Variants in SUCLG2 observed in about 807,000 individuals in gnomAD.
SUCLG2 encodes succinate-CoA ligase GDP-forming subunit beta.
Under a neutral mutation model 47.9 loss-of-function variants are expected in SUCLG2, and 42 were observed. The observed-to-expected ratio is 0.88, with a 90% CI of 0.69 to 1.14. SUCLG2 has a LOEUF of 1.14. Ranked by LOEUF, SUCLG2 falls within the 50% of genes most tolerant of loss-of-function variation. The probability of loss-of-function intolerance (pLI) is 0.00; values close to 1 mark genes in which losing one functional copy is unlikely to be tolerated. For synonymous variants in SUCLG2, 195 were observed against 197.3 expected (o/e 0.99, Z 0.10); for missense variants, 571 against 525.9 (o/e 1.09, Z -0.84).
chr3:67,496,021 T>C, intron 8 of SUCLG2, 81 bp from the exon 9 acceptor site: 1 of 1,560,500 alleles, frequency 6.4e-7, no homozygotes, highest in Non-Finnish European at 8.7e-7. Context: ...TCCCCCATAT[T>C]GCCAAGAGAG....
intron 2 of SUCLG2, among the ~76,000 whole-genome samples, chr3:67,534,768 CAAAAAA>C (rs60612549): frequency 4.2e-3 from 145 of 34,896 alleles, no homozygotes; most frequent in East Asian, 0.04. Context: ...ACACTGATGG[CAAAAAA>C]AAAAAAAAAA....
chr3:67,601,501 T>G (rs1381884007), intron 2 of SUCLG2, among the ~76,000 whole-genome samples: 3 of 151,872 alleles, frequency 2.0e-5, no homozygotes, highest in Non-Finnish European at 4.4e-5. Flanking sequence ...CTAGGTAAAG[T>G]TTTTCTGTTT....
chr3:67,377,749 G>A (rs542955489), intron 10 of SUCLG2, among the ~76,000 whole-genome samples: 1 of 152,184 alleles, frequency 6.6e-6, no homozygotes, highest in Non-Finnish European at 1.5e-5. Context: ...AGCCTCCGGT[G>A]CCCAAGTGAT....
intron 1 of SUCLG2, among the ~76,000 whole-genome samples, chr3:67,623,445 G>A (rs1157028346): frequency 6.6e-6 from 1 of 152,166 alleles, no homozygotes; most frequent in African/African-American, 2.4e-5. Flanking sequence ...TGCTTGCAGT[G>A]AGTGGAGATC....
chr3:67,631,282 C>A (rs753007833), intron 1 of SUCLG2, among the ~76,000 whole-genome samples: 20 of 152,150 alleles, frequency 1.3e-4, no homozygotes, highest in Non-Finnish European at 2.8e-4. Context: ...TTGTTACCTG[C>A]AGTGATAGAG....
chr3:67,522,726 C>T (rs1301821193), intron 4 of SUCLG2, among the ~76,000 whole-genome samples: 41 of 149,484 alleles, frequency 2.7e-4, no homozygotes, highest in Admixed American at 2.0e-4. Context: ...TGCAGTGGCG[C>T]GATCTCGGCT....
intron 6 of SUCLG2, among the ~76,000 whole-genome samples, chr3:67,511,224 C>A (rs1403697339): frequency 6.6e-6 from 1 of 152,152 alleles, no homozygotes; most frequent in Non-Finnish European, 1.5e-5. Flanking sequence ...CTGATTTCCA[C>A]TCCTAAAAAG....
Position 67,467,744 on chromosome 3 carries a change from T to TA in SUCLG2, c.1062+28053dup, listed in dbSNP as rs572561153. ...GTATATGTTTTATCCTGTCATTTAA[T>TA]ACTCATAGCAACCCTGCTGAGTTGT... On this transcript the variant is annotated intron_variant, in intron 9 of 10. Transcript: ENST00000307227. 3.3e-4 allele frequency among the ~76,000 whole-genome samples: 50 copies of TA among 152,270 alleles called. 1 individual carries two copies. In the South Asian group the frequency reaches 0.01, roughly 31 times the overall value.
At chr3:67,591,300 T>C (rs967220883) in intron 2 of SUCLG2, among the ~76,000 whole-genome samples, 11 of 151,636 alleles carry the variant, frequency 7.3e-5, no homozygotes, top group African/African-American at 2.7e-4. Flanking sequence ...GGTTAGGGTA[T>C]AGCAGTAGAT....
intron 10 of SUCLG2, among the ~76,000 whole-genome samples, chr3:67,365,201 C>T (rs1701858817): frequency 6.6e-6 from 1 of 152,086 alleles, no homozygotes; most frequent in South Asian, 2.1e-4. Flanking sequence ...TCACCGAACT[C>T]CTGTATTGAA....
intron 2 of SUCLG2, among the ~76,000 whole-genome samples, chr3:67,592,723 AAAAAAAAAAAAAACAAC>A (rs1452155822): frequency 1.8e-5 from 2 of 113,786 alleles, no homozygotes; most frequent in African/African-American, 6.9e-5. Context: ...TCCTCCAAAA[AAAAAAAAAAAAAACAAC>A]AAAAAAAAAC....
At chr3:67,559,207 A>G (rs1022425898) in intron 2 of SUCLG2, among the ~76,000 whole-genome samples, 1 of 152,172 alleles carries the variant, frequency 6.6e-6, no homozygotes, top group Non-Finnish European at 1.5e-5. Flanking sequence ...ATGAGAAGGT[A>G]GAGTAAGAGG....
At chr3:67,507,213 T>A (rs572770765) in intron 7 of SUCLG2, among the ~76,000 whole-genome samples, 3 of 150,626 alleles carry the variant, frequency 2.0e-5, no homozygotes, top group Non-Finnish European at 2.9e-5. Context: ...TTAAAAAAAA[T>A]ATTTATGAAT....
chr3:67,612,182 G>A (rs1700539259), intron 1 of SUCLG2, among the ~76,000 whole-genome samples: 1 of 152,114 alleles, frequency 6.6e-6, no homozygotes, highest in Non-Finnish European at 1.5e-5. Flanking sequence ...AACATAGTGA[G>A]ACCCTGCCTC....
intron 1 of SUCLG2, among the ~76,000 whole-genome samples, chr3:67,647,837 A>G (rs1446421987): frequency 6.6e-6 from 1 of 152,208 alleles, no homozygotes; most frequent in East Asian, 1.9e-4. Context: ...CCCAGAAGTA[A>G]GCTGGGAACA....
chr3:67,395,729 C>A (rs2106801256), intron 10 of SUCLG2, among the ~76,000 whole-genome samples: 1 of 152,266 alleles, frequency 6.6e-6, no homozygotes, highest in East Asian at 1.9e-4. Flanking sequence ...TTTTTTTCAG[C>A]ACCACACCAC....
chr3:67,381,445 G>A (rs1403268626), intron 10 of SUCLG2, among the ~76,000 whole-genome samples: 1 of 152,112 alleles, frequency 6.6e-6, no homozygotes, highest in African/African-American at 2.4e-5. Context: ...TATCATAGCT[G>A]CTTTAAACTC....
At chr3:67,613,692 AC>A (rs1366643969) in intron 1 of SUCLG2, among the ~76,000 whole-genome samples, 1 of 152,164 alleles carries the variant, frequency 6.6e-6, no homozygotes, top group Non-Finnish European at 1.5e-5. Context: ...CTATTGCACA[AC>A]CTTTTTGCCC....
chr3:67,467,427 G>A (rs1302461152), intron 9 of SUCLG2, among the ~76,000 whole-genome samples: 1 of 152,252 alleles, frequency 6.6e-6, no homozygotes, highest in Non-Finnish European at 1.5e-5. Flanking sequence ...GGTGAAGCGA[G>A]AAAAAAGCTG....
Sources: gnomAD v4.1 joint callset for allele counts (sites outside exome capture counted in the v4.1 genomes callset) on GRCh38, gnomAD v4.1.1 for gene constraint, MANE v1.5 for transcripts, NCBI Gene and HGNC (gene_info 2026-07-23, HGNC 2026-07-21) for gene names.